Variants in ATP2B2 observed in about 807,000 individuals in gnomAD.
ATP2B2 encodes ATPase plasma membrane Ca2+ transporting 2, also known as plasma membrane calcium-transporting ATPase 2.
A neutral mutation model predicts 120.0 loss-of-function variants in ATP2B2; 15 were observed. The ratio of observed to expected loss-of-function variants is 0.12; its 90% CI spans 0.08 to 0.19. The LOEUF (loss-of-function observed/expected upper bound fraction) is 0.19, where lower values mean the gene tolerates loss of function less well. ATP2B2 is among the 10% of genes least tolerant of loss of function. ATP2B2 has a pLI of 1.00. For synonymous variants in ATP2B2, 694 were observed against 700.3 expected, an observed-to-expected ratio of 0.99 and a Z score of 0.14; for missense variants, 1,045 against 1,719.8, an observed-to-expected ratio of 0.61 and a Z score of 6.94.
chr3:10,641,178 G>A (rs544659363), intron 1 of ATP2B2, among the ~76,000 whole-genome samples: 2 of 152,334 alleles, frequency 1.3e-5, no homozygotes, highest in South Asian at 4.1e-4. Context: ...AGAAGATGGG[G>A]CAGCATAGCT....
In ATP2B2 at chr3:10,328,352, C is replaced by T. The variant is rs1270367257; in HGVS notation, c.*462G>A. 1 of 169,716 alleles carries T rather than the reference C, an allele frequency of 5.9e-6. No homozygotes were observed. The highest frequency in any genetic ancestry group is 1.3e-5 in the Non-Finnish European group (1 of 77,890). 10.5% of individuals were successfully genotyped at this position (169,716 alleles called of 1,614,324 possible). On this transcript the variant is annotated 3_prime_UTR_variant, in exon 23 of 23. Coordinates refer to ENST00000360273, the MANE Select transcript of ATP2B2 (RefSeq NM_001001331.4). ...TGCAAGCATTTCAAAAACTCACAGA[C>T]CAGTGGATTGGATAAATAGTCTCAG...
At chr3:10,339,938 T>TA (rs2060227291) in intron 21 of ATP2B2, among the ~76,000 whole-genome samples, 2 of 152,252 alleles carry the variant, frequency 1.3e-5, no homozygotes, top group Non-Finnish European at 2.9e-5. Context: ...GATTTTTCAG[T>TA]TGTCTTAGTA....
In ATP2B2 at chr3:10,603,565, C is replaced by T. The variant is rs2068981440; in HGVS notation, c.-415+16352G>A. ...TGCTTCTGTCAAGTGCAGGTAAGAG[C>T]CCTCTTGCAAGCGTTCATGATAACA... On this transcript the variant is annotated intron_variant, in intron 2 of 21. Transcript: ENST00000646379. Among the ~76,000 whole-genome samples the T allele has an allele frequency of 2.6e-5, 4 of 152,250 alleles. No homozygotes were observed. In the South Asian group the frequency reaches 8.3e-4, roughly 32 times the overall value.
intron 1 of ATP2B2, among the ~76,000 whole-genome samples, chr3:10,632,885 C>T (rs2069907810): frequency 6.6e-6 from 1 of 152,250 alleles, no homozygotes; most frequent in Admixed American, 6.5e-5. Flanking sequence ...CCCCTGGTGG[C>T]TGTCCTGCTC....
At chr3:10,419,350 G>GATGTGT (rs1427453546) in intron 2 of ATP2B2, among the ~76,000 whole-genome samples, 1 of 152,368 alleles carries the variant, frequency 6.6e-6, no homozygotes, top group East Asian at 1.9e-4. Context: ...TTGGGAATAT[G>GATGTGT]ATGTGTGGAA....
In ATP2B2 at chr3:10,410,638, G is replaced by A. The variant is rs1182921959; in HGVS notation, c.377C>T (p.Pro126Leu). ...CTTACCTTCGTTGCCCTCGCCGGGCGGGTGGTAGAAGGACAGCCCCAGGGA... is the reference window on the plus strand; with the variant it reads ...CTTACCTTCGTTGCCCTCGCCGGGCAGGTGGTAGAAGGACAGCCCCAGGGA... Reference protein sequence around the residue: ...IISLGLSFYHPPGEGNEGCAT... With the variant: ...IISLGLSFYHLPGEGNEGCAT... Residue 126 changes from proline to leucine, a missense_variant, in exon 3 of 23, where the codon CCG (proline) becomes CTG (leucine). By Grantham distance (98) the Pro-to-Leu change is moderately conservative. Around this residue, in one of 11 missense-constraint regions of ATP2B2, gnomAD observed 35 missense variants for 37.2 expected, o/e 0.94. Coordinates refer to ENST00000360273, the MANE Select transcript of ATP2B2 (RefSeq NM_001001331.4). 3 of 1,607,954 alleles carry A rather than the reference G, an allele frequency of 1.9e-6. No homozygotes were observed. The highest frequency in any genetic ancestry group is 1.3e-5 in the African/African-American group (1 of 74,760).
intron 1 of ATP2B2, among the ~76,000 whole-genome samples, chr3:10,707,333 A>G (rs2125724132): frequency 6.6e-6 from 1 of 152,274 alleles, no homozygotes; most frequent in South Asian, 2.1e-4. Flanking sequence ...GAGGCTGGAG[A>G]TGCGGAGAGC....
At chr3:10,419,607 C>T (rs940374541) in intron 2 of ATP2B2, among the ~76,000 whole-genome samples, 3 of 152,204 alleles carry the variant, frequency 2.0e-5, no homozygotes, top group Admixed American at 6.5e-5. Context: ...TCAGCCTCTC[C>T]GAGGGGCCTT....
chr3:10,337,954 C>T (rs1007082596), intron 22 of ATP2B2, among the ~76,000 whole-genome samples: 1 of 152,194 alleles, frequency 6.6e-6, no homozygotes, highest in Admixed American at 6.5e-5. Context: ...CCCGTGCTGC[C>T]CTGAGAGGGC....
At chr3:10,430,935 G>T (rs76338165) in intron 2 of ATP2B2, among the ~76,000 whole-genome samples, 1 of 151,686 alleles carries the variant, frequency 6.6e-6, no homozygotes, top group Non-Finnish European at 1.5e-5. Flanking sequence ...AGAGTAGGGG[G>T]TGCTATTTCT....
intron 2 of ATP2B2, among the ~76,000 whole-genome samples, chr3:10,595,038 A>G (rs1362208107): frequency 6.6e-6 from 1 of 152,244 alleles, no homozygotes; most frequent in Non-Finnish European, 1.5e-5. Context: ...ATTCAAAGTT[A>G]ACTGCAATAT....
chr3:10,385,016 C>T (rs1222761062), intron 8 of ATP2B2, among the ~76,000 whole-genome samples: 1 of 152,216 alleles, frequency 6.6e-6, no homozygotes, highest in Non-Finnish European at 1.5e-5. Context: ...ATCTGGGCTC[C>T]ATGGGGAGTC....
intron 2 of ATP2B2, among the ~76,000 whole-genome samples, chr3:10,596,464 T>C (rs562912191): frequency 6.6e-6 from 1 of 152,362 alleles, no homozygotes; most frequent in Non-Finnish European, 1.5e-5. Flanking sequence ...ATGTCTTCAA[T>C]GTGTCTCTGA....
intron 2 of ATP2B2, among the ~76,000 whole-genome samples, chr3:10,577,036 A>C (rs149715138): frequency 0.028 from 3,921 of 138,088 alleles, 162 homozygotes; most frequent in African/African-American, 0.097. Flanking sequence ...TGGGTGACAG[A>C]GTGAGACTCT....
chr3:10,359,268 C>T (rs2060828085), intron 13 of ATP2B2, among the ~76,000 whole-genome samples: 1 of 152,132 alleles, frequency 6.6e-6, no homozygotes, highest in South Asian at 2.1e-4. Context: ...TAATAAATAC[C>T]CACGTGCGAG....
At chr3:10,639,516 AT>A (rs1404815026) in intron 1 of ATP2B2, among the ~76,000 whole-genome samples, 3 of 152,096 alleles carry the variant, frequency 2.0e-5, no homozygotes, top group Admixed American at 2.0e-4. Flanking sequence ...ACTAATCCCT[AT>A]CATGAGGGCT....
intron 21 of ATP2B2, 133 bp from the exon 22 acceptor site, chr3:10,338,491 CCT>C: frequency 1.2e-6 from 1 of 852,164 alleles, no homozygotes; most frequent in East Asian, 2.6e-5. Context: ...CCTTCACCCA[CCT>C]CACCTGTTCC....
chr3:10,489,856 C>G (rs1462282849), intron 1 of ATP2B2, among the ~76,000 whole-genome samples: 1 of 152,250 alleles, frequency 6.6e-6, no homozygotes, highest in African/African-American at 2.4e-5. Context: ...CTGGCCACAT[C>G]ACTCCTCAAC....
At position 10,410,603 on chromosome 3, in the gene ATP2B2, T is replaced by C. The variant is rs764364724; in HGVS notation, c.397+15A>G. The C allele has an allele frequency of 1.9e-6, 3 of 1,596,762 alleles. No homozygotes were observed. Among genetic ancestry groups the C allele is most frequent in the Non-Finnish European group, 2.6e-6 (3 of 1,169,294 alleles). ...AGGTGTGCGGGGCGGTTCGTGGGTC[T>C]GAGGCCCATCTTACCTTCGTTGCCC... is the stretch of plus-strand genomic sequence containing the variant. On this transcript the variant is annotated intron_variant, in intron 3 of 22. Transcript: ENST00000360273.
Sources: gnomAD v4.1 joint callset for allele counts (sites outside exome capture counted in the v4.1 genomes callset) on GRCh38, gnomAD v4.1.1 for gene constraint, gnomAD v4.1.1 regional missense constraint, MANE v1.5 for transcripts, NCBI Gene and HGNC (gene_info 2026-07-23, HGNC 2026-07-21) for gene names.